Variants in SYCP2L observed in about 807,000 individuals in gnomAD.
The protein encoded by SYCP2L is synaptonemal complex protein 2 like, also known as synaptonemal complex protein 2-like.
Under a neutral mutation model 125.8 loss-of-function variants are expected in SYCP2L, and 98 were observed. The ratio of observed to expected loss-of-function variants is 0.78; its 90% confidence interval spans 0.66 to 0.92. The LOEUF is 0.92. Among genes scored for constraint, SYCP2L ranks in the 40% least tolerant of loss-of-function variants. The pLI, the probability that SYCP2L is intolerant of heterozygous loss-of-function variation, is 0.00. For missense variants in SYCP2L, 842 were observed against 936.4 expected (o/e 0.90, Z 1.32); for synonymous variants, 317 against 325.4 (o/e 0.97, Z 0.28).
intron 21 of SYCP2L, among the ~76,000 whole-genome samples, chr6:10,939,297 TATC>T (rs1424487909): frequency 6.6e-6 from 1 of 152,178 alleles, no homozygotes; most frequent in Non-Finnish European, 1.5e-5. Context: ...ATGTCCTTAT[TATC>T]CAAAGCAATA....
rs191495343 is a variant in SYCP2L at position 10,941,435 on chromosome 6, A to T, written c.1814-1024A>T. 5.2e-3 allele frequency among the ~76,000 whole-genome samples: 786 copies of T among 152,260 alleles called. 4 individuals are homozygous for T. Among genetic ancestry groups the T allele is most frequent in the African/African-American group, 0.018 (732 of 41,558 alleles). On this transcript the variant is annotated intron_variant, in intron 21 of 29. Transcript: ENST00000283141. ...AAGGGCTAATATCCAGAATCTACAAAGAACTCAAACAAATTTACAAGAAAA... is the reference window on the plus strand; with the variant it reads ...AAGGGCTAATATCCAGAATCTACAATGAACTCAAACAAATTTACAAGAAAA...
At chr6:10,898,491 G>C (rs759267614) in intron 5 of SYCP2L, among the ~76,000 whole-genome samples, 7 of 152,076 alleles carry the variant, frequency 4.6e-5, no homozygotes, top group Non-Finnish European at 1.0e-4. Context: ...CTTCAGCCTG[G>C]GAAACAAGAG....
chr6:10,946,248 C>CT (rs1199759131), intron 23 of SYCP2L, among the ~76,000 whole-genome samples: 2 of 151,980 alleles, frequency 1.3e-5, no homozygotes, highest in Non-Finnish European at 2.9e-5. Flanking sequence ...GTTATATACT[C>CT]TATTTCTTTT....
At chr6:10,964,709 G>A (rs1781650937) in intron 29 of SYCP2L, among the ~76,000 whole-genome samples, 1 of 152,070 alleles carries the variant, frequency 6.6e-6, no homozygotes, top group Admixed American at 6.5e-5. Context: ...TTTTTTGAAG[G>A]AAGATAGAAA....
At chr6:10,887,175 T>G (rs746784605) in intron 1 of SYCP2L, 40 bp downstream of exon 1, 1 of 1,611,874 alleles carries the variant, frequency 6.2e-7, no homozygotes, top group South Asian at 1.1e-5. Context: ...CTGTCCACAG[T>G]GCTAGGGCGC....
chr6:10,898,790 AAT>A (rs778245732), intron 5 of SYCP2L, 32 bp from the exon 6 acceptor site: 3 of 1,303,160 alleles, frequency 2.3e-6, no homozygotes, highest in Non-Finnish European at 3.3e-6. Flanking sequence ...GTTTTAAAAT[AAT>A]ATGAGCTTTA....
At chr6:10,892,435 G>A (rs934380376) in intron 2 of SYCP2L, among the ~76,000 whole-genome samples, 21 of 152,126 alleles carry the variant, frequency 1.4e-4, no homozygotes, top group Non-Finnish European at 4.4e-5. Context: ...GAGTAGCTGT[G>A]ACTACAGCCA....
At position 10,929,983 on chromosome 6, in the gene SYCP2L, T is replaced by C. The variant is rs185127631; in HGVS notation, c.1489-387T>C. On this transcript the variant is annotated intron_variant, in intron 18 of 29. Coordinates refer to ENST00000283141, the MANE Select transcript of SYCP2L (RefSeq NM_001040274.3). ...AAAGAAATAACTCTCCTCTTTGGTTTTGGTTCTTCTAAAATGTAGAGAGGC... is the reference window on the plus strand; with the variant it reads ...AAAGAAATAACTCTCCTCTTTGGTTCTGGTTCTTCTAAAATGTAGAGAGGC... The C allele has an allele frequency of 1.2e-3, 182 of 154,806 alleles. 1 individual carries two copies. Among genetic ancestry groups the C allele is most frequent in the African/African-American group, 4.2e-3 (176 of 41,606 alleles). 9.6% of individuals were successfully genotyped at this position (154,806 alleles called of 1,614,324 possible).
At chr6:10,898,963 G>A in intron 6 of SYCP2L, 115 bp downstream of exon 6, 1 of 715,228 alleles carries the variant, frequency 1.4e-6, no homozygotes, top group East Asian at 2.6e-5. Flanking sequence ...ATTTTATTTG[G>A]ATTTATTGAC....
At chr6:10,956,822 A>G (rs930614122) in intron 25 of SYCP2L, among the ~76,000 whole-genome samples, 5 of 151,974 alleles carry the variant, frequency 3.3e-5, no homozygotes, top group African/African-American at 9.7e-5. Flanking sequence ...TGAATACATA[A>G]CACTTTTGTT....
intron 14 of SYCP2L, among the ~76,000 whole-genome samples, chr6:10,915,655 A>C (rs1380056457): frequency 6.6e-6 from 1 of 152,160 alleles, no homozygotes; most frequent in Non-Finnish European, 1.5e-5. Context: ...CCATTCCTGC[A>C]TCCCTGGTAT....
At position 10,910,946 on chromosome 6, in the gene SYCP2L, AC is replaced by A. The variant is rs1438985712; in HGVS notation, c.918+78del. On this transcript the variant is annotated intron_variant, in intron 12 of 29. Transcript: ENST00000283141. ...AGTTAGGTTTACGTGGTTAGATCAA[AC>A]TTTTGCTCTCATAACTCAAAAGGGC... 7.9e-6 allele frequency: 12 copies of A among 1,512,684 alleles called. No homozygotes were observed. In the African/African-American group the frequency reaches 1.5e-4, roughly 19 times the overall value. The allele number at this position is 1,512,684 out of a possible 1,614,324, so 93.7% of individuals were successfully genotyped here. A position where few individuals can be genotyped will look rare whatever the true frequency, so the allele number is the denominator to read the frequency against.
rs907681934 is a variant in SYCP2L at position 10,920,450 on chromosome 6, C to T, written c.1073-4046C>T. 3.9e-5 allele frequency among the ~76,000 whole-genome samples: 6 copies of T among 152,306 alleles called. No individual in the cohort carries two copies. In the East Asian group the frequency reaches 1.2e-3, roughly 29 times the overall value. Reference sequence around the variant, plus strand: ...CAGGCTGGTCTCGAACTCCTGACCTCAAGTGATCCAACAGCCTCGCCCTCC... The same window carrying T: ...CAGGCTGGTCTCGAACTCCTGACCTTAAGTGATCCAACAGCCTCGCCCTCC... On this transcript the variant is annotated intron_variant, in intron 14 of 29. Transcript: ENST00000283141.
chr6:10,937,309 A>T lies in SYCP2L; in HGVS notation c.1813+2122A>T, dbSNP rs187052417. Among the ~76,000 whole-genome samples, 15 of 152,342 alleles carry T rather than the reference A, an allele frequency of 9.8e-5. 1 individual carries two copies. Among genetic ancestry groups the T allele is most frequent in the African/African-American group, 3.6e-4 (15 of 41,586 alleles). Reference sequence around the variant, plus strand: ...CAGGAGGAAGATTGGAAAATTCACAAATACATGGAAATTAAACAACACACT... The same window carrying T: ...CAGGAGGAAGATTGGAAAATTCACATATACATGGAAATTAAACAACACACT... On this transcript the variant is annotated intron_variant, in intron 21 of 29. Coordinates refer to ENST00000283141, the MANE Select transcript of SYCP2L (RefSeq NM_001040274.3).
chr6:10,918,619 C>T (rs1288294145), intron 14 of SYCP2L, among the ~76,000 whole-genome samples: 1 of 152,034 alleles, frequency 6.6e-6, no homozygotes, highest in South Asian at 2.1e-4. Flanking sequence ...TCACTGCAAC[C>T]TCCGCCTCCT....
intron 14 of SYCP2L, among the ~76,000 whole-genome samples, chr6:10,915,584 G>C (rs1171747139): frequency 6.6e-6 from 1 of 152,156 alleles, no homozygotes; most frequent in African/African-American, 2.4e-5. Context: ...ATGATCATGT[G>C]ATTTTTGTTT....
intron 21 of SYCP2L, among the ~76,000 whole-genome samples, chr6:10,936,074 TC>T (rs1781088634): frequency 6.6e-6 from 1 of 152,172 alleles, no homozygotes; most frequent in Non-Finnish European, 1.5e-5. Context: ...TGTTCATTAT[TC>T]TGCAGTTCAC....
At chr6:10,942,635 T>C (rs780645134) in intron 22 of SYCP2L, 42 bp from the exon 23 acceptor site, 5 of 1,608,286 alleles carry the variant, frequency 3.1e-6, no homozygotes, top group Non-Finnish European at 4.3e-6. Flanking sequence ...GTTTCTTGCT[T>C]TGCCATAAAG....
chr6:10,894,748 C>T lies in SYCP2L; in HGVS notation c.336+544C>T, dbSNP rs560904823. 6.6e-5 allele frequency among the ~76,000 whole-genome samples: 10 copies of T among 152,292 alleles called. No individual in the cohort carries two copies. In the South Asian group the frequency reaches 1.2e-3, roughly 19 times the overall value. On this transcript the variant is annotated intron_variant, in intron 4 of 29. Transcript: ENST00000283141. The stretch of plus-strand genomic sequence containing the variant: ...GATAACATGGCGAGTGCCTTTATAA[C>T]GGCATCTGGAAGTAAAGCAGAATCT...
Sources: gnomAD v4.1 joint callset for allele counts (sites outside exome capture counted in the v4.1 genomes callset) on GRCh38, gnomAD v4.1.1 for gene constraint, MANE v1.5 for transcripts, NCBI Gene and HGNC (gene_info 2026-07-23, HGNC 2026-07-21) for gene names.